CDKL2: variants seen among roughly 807,000 people sequenced by gnomAD.
The protein encoded by CDKL2 is cyclin-dependent kinase-like 2.
In CDKL2, 64 loss-of-function variants were observed where a neutral mutation model predicts 63.9. The observed-to-expected ratio is 1.00, with a 90% CI of 0.82 to 1.23. The LOEUF (loss-of-function observed/expected upper bound fraction) is 1.23. Ranked by LOEUF, CDKL2 falls within the 50% of genes most tolerant of loss-of-function variation. The probability of loss-of-function intolerance (pLI) is 0.00; values close to 1 mark genes in which losing one functional copy is unlikely to be tolerated. For missense variants in CDKL2, 656 were observed against 668.0 expected (o/e 0.98, Z 0.20); for synonymous variants, 211 against 229.2 (o/e 0.92, Z 0.72).
intron 1 of CDKL2, among the ~76,000 whole-genome samples, chr4:75,626,906 A>G (rs1402768008): frequency 6.6e-6 from 1 of 151,766 alleles, no homozygotes; most frequent in African/African-American, 2.4e-5. Context: ...AACAAAACAA[A>G]TAAACAAAAT....
At chr4:75,621,530 C>CT (rs143649249) in intron 2 of CDKL2, among the ~76,000 whole-genome samples, 6,029 of 150,190 alleles carry the variant, frequency 0.04, 158 homozygotes, top group Non-Finnish European at 0.06. Flanking sequence ...GCCTTTTTTT[C>CT]TTTTTTTTTG....
intron 2 of CDKL2, among the ~76,000 whole-genome samples, chr4:75,615,751 G>C (rs906792483): frequency 6.6e-6 from 1 of 152,298 alleles, no homozygotes; most frequent in East Asian, 1.9e-4. Context: ...CCAGTGACTT[G>C]GGAGGACAAA....
chr4:75,578,307 G>A lies in CDKL2; in HGVS notation c.*895C>T, dbSNP rs939894813. ...AAAAGTGGAGTCCATAATAATGAAC[G>A]TTCTCTCCCCAAACCCTCTTCAGCT... On this transcript the variant is annotated 3_prime_UTR_variant, in exon 14 of 14. Coordinates refer to ENST00000307465, the MANE Select transcript of CDKL2 (RefSeq NM_001330724.2). The A allele has an allele frequency of 2.6e-5, 4 of 152,134 alleles. No homozygotes were observed. Among genetic ancestry groups the A allele is most frequent in the Non-Finnish European group, 5.9e-5 (4 of 68,044 alleles). 9.4% of individuals were successfully genotyped at this position (152,134 alleles called of 1,614,324 possible).
At chr4:75,611,653 CT>C (rs1014442944) in intron 3 of CDKL2, among the ~76,000 whole-genome samples, 256 of 134,472 alleles carry the variant, frequency 1.9e-3, no homozygotes, top group Middle Eastern at 7.6e-3. Context: ...AGGGAACCAC[CT>C]TTTTTTTTTT....
intron 12 of CDKL2, among the ~76,000 whole-genome samples, chr4:75,585,519 G>A (rs1728437977): frequency 6.6e-6 from 1 of 152,106 alleles, no homozygotes; most frequent in South Asian, 2.1e-4. Flanking sequence ...CTTGATCCTA[G>A]GAATTCAAGG....
intron 3 of CDKL2, among the ~76,000 whole-genome samples, chr4:75,612,648 A>G (rs958624618): frequency 6.6e-6 from 1 of 152,224 alleles, no homozygotes; most frequent in African/African-American, 2.4e-5. Flanking sequence ...TATTTGATTC[A>G]CTAACACCTC....
chr4:75,597,054 G>T lies in CDKL2; in HGVS notation c.1203C>A (p.Ser401Arg). 6.2e-7 allele frequency: 1 copy of T among 1,614,164 alleles called. No individual in the cohort carries two copies. Among genetic ancestry groups the T allele is most frequent in the Non-Finnish European group, 8.5e-7 (1 of 1,179,992 alleles). ...STSLKDCSNVSVDHTRNPSVA... is the reference protein window; with the variant it reads ...STSLKDCSNVRVDHTRNPSVA... Reference sequence around the variant, plus strand: ...CGCTTGGATTCCTTGTGTGGTCCACGCTGACATTGCTGCAGTCTTTGAGGC... The same window carrying T: ...CGCTTGGATTCCTTGTGTGGTCCACTCTGACATTGCTGCAGTCTTTGAGGC... Residue 401 changes from serine (S) to arginine (R), a missense_variant, in exon 9 of 14, where the codon AGC (serine) becomes AGA (arginine). Transcript: ENST00000307465.
In CDKL2 at chr4:75,577,391, C is replaced by T. The variant is rs1042928872; in HGVS notation, c.*1811G>A. On this transcript the variant is annotated 3_prime_UTR_variant, in exon 14 of 14. Transcript: ENST00000307465. ...CACAGTTCTAATCAGATATGATCCTCAAGTCATAACTTGGACTTATGGTAA... is the reference window on the plus strand; with the variant it reads ...CACAGTTCTAATCAGATATGATCCTTAAGTCATAACTTGGACTTATGGTAA... 2.0e-5 allele frequency among the ~76,000 whole-genome samples: 3 copies of T among 152,146 alleles called. No individual in the cohort carries two copies. Among genetic ancestry groups the T allele is most frequent in the African/African-American group, 4.8e-5 (2 of 41,434 alleles).
intron 12 of CDKL2, among the ~76,000 whole-genome samples, chr4:75,582,243 T>C (rs1728293875): frequency 6.6e-6 from 1 of 152,180 alleles, no homozygotes; most frequent in Non-Finnish European, 1.5e-5. Context: ...ATAAAGACTT[T>C]GAAGCAGCCC....
At chr4:75,617,708 A>G (rs1729987768) in intron 2 of CDKL2, among the ~76,000 whole-genome samples, 1 of 152,214 alleles carries the variant, frequency 6.6e-6, no homozygotes. Flanking sequence ...TACTCTTTAA[A>G]AATTCACACT....
Position 75,576,761 on chromosome 4 carries a change from G to C in CDKL2, c.*2441C>G, listed in dbSNP as rs2148850348. Among the ~76,000 whole-genome samples, 1 of 152,268 alleles carries C rather than the reference G, an allele frequency of 6.6e-6. No individual in the cohort carries two copies. Among genetic ancestry groups the C allele is most frequent in the South Asian group, 2.1e-4 (1 of 4,828 alleles). On this transcript the variant is annotated 3_prime_UTR_variant, in exon 14 of 14. Transcript: ENST00000307465. ...TGTATTACAGGTCCAGCCTTATATT[G>C]TAGCACAACTAAGATAAAGGAACCA...
intron 4 of CDKL2, 130 bp from the exon 5 acceptor site, chr4:75,605,764 T>A: frequency 1.6e-6 from 1 of 626,876 alleles, no homozygotes. Flanking sequence ...ATTCTCAGAT[T>A]TGGCATGCTC....
chr4:75,630,444 G>C lies in CDKL2; in HGVS notation c.-432C>G, dbSNP rs1218095515. On this transcript the variant is annotated 5_prime_UTR_variant, in exon 1 of 14. Transcript: ENST00000307465. ...GGTGAGAGGCACCACCTCCCAGCTC[G>C]TAAGGCGCCCAGTACCTGGAGCCTG... 1.3e-5 allele frequency: 2 copies of C among 152,450 alleles called. No individual in the cohort carries two copies. The highest frequency in any genetic ancestry group is 2.9e-5 in the Non-Finnish European group (2 of 68,158). The allele number at this position is 152,450 out of a possible 1,614,324, so 9.4% of individuals were successfully genotyped here.
intron 3 of CDKL2, among the ~76,000 whole-genome samples, chr4:75,610,129 G>C (rs1231699387): frequency 1.3e-5 from 2 of 151,892 alleles, no homozygotes; most frequent in African/African-American, 4.8e-5. Context: ...CGTGAACCTG[G>C]GAGGCGGAGC....
At chr4:75,616,900 G>A (rs1406161625) in intron 2 of CDKL2, among the ~76,000 whole-genome samples, 1 of 152,024 alleles carries the variant, frequency 6.6e-6, no homozygotes, top group Non-Finnish European at 1.5e-5. Context: ...CTTATAAGTG[G>A]GAGCTAAATG....
intron 1 of CDKL2, among the ~76,000 whole-genome samples, chr4:75,627,839 A>G (rs1730504687): frequency 7.4e-6 from 1 of 134,996 alleles, no homozygotes; most frequent in Non-Finnish European, 1.5e-5. Context: ...CTGCCTCCCC[A>G]GTAGCTAGGG....
intron 3 of CDKL2, 116 bp downstream of exon 3, chr4:75,614,139 G>A: frequency 1.6e-6 from 1 of 629,210 alleles, no homozygotes; most frequent in Non-Finnish European, 2.8e-6. Flanking sequence ...GAAGTATTTA[G>A]TGTTAAAGTA....
In CDKL2 at chr4:75,578,477, C is replaced by A. The variant is rs7668530; in HGVS notation, c.*725G>T. The A allele has an allele frequency of 0.4, 61,167 of 151,994 alleles. 13,068 individuals carry two copies. The highest frequency in any genetic ancestry group is 0.51 in the African/African-American group (21,196 of 41,406). 9.4% of individuals were successfully genotyped at this position (151,994 alleles called of 1,614,324 possible). A position where few individuals can be genotyped will look rare whatever the true frequency, so the allele number is the denominator to read the frequency against. On this transcript the variant is annotated 3_prime_UTR_variant, in exon 14 of 14. Transcript: ENST00000307465. ...TCATTCGAAAGAGGTTTCTCTGTCA[C>A]GCTTGCATTAGTGTGGTTCTTAGAA...
chr4:75,629,938 C>CAAAAAAAAAAAAAAAAAAAAAAAAA (rs747587721), intron 1 of CDKL2, 104 bp downstream of exon 1: 1 of 74,204 alleles, frequency 1.3e-5, no homozygotes, highest in African/African-American at 4.7e-5. Context: ...AACTCCGTCT[C>CAAAAAAAAAAAAAAAAAAAAAAAAA]AAAAAAAAAA....
Sources: gnomAD v4.1 joint callset for allele counts (sites outside exome capture counted in the v4.1 genomes callset) on GRCh38, gnomAD v4.1.1 for gene constraint, MANE v1.5 for transcripts, NCBI Gene and HGNC (gene_info 2026-07-23, HGNC 2026-07-21) for gene names.